CDH6: variants seen among roughly 807,000 people sequenced by gnomAD.
CDH6 encodes cadherin 6, also known as cadherin-6.
CDH6 carries 31 observed loss-of-function variants against 78.0 expected under a neutral mutation model. The ratio of observed to expected loss-of-function variants is 0.40; its 90% confidence interval spans 0.30 to 0.54. The LOEUF (loss-of-function observed/expected upper bound fraction) is 0.54, where lower values mean the gene tolerates loss of function less well. Among genes scored for constraint, CDH6 ranks in the 20% least tolerant of loss-of-function variants. CDH6 has a pLI of 0.56. For synonymous variants in CDH6, 376 were observed against 368.8 expected, an observed-to-expected ratio of 1.02 and a Z score of -0.23; for missense variants, 724 against 975.9, an observed-to-expected ratio of 0.74 and a Z score of 3.44.
intron 1 of CDH6, among the ~76,000 whole-genome samples, chr5:31,231,150 A>AT: frequency 1.3e-5 from 2 of 152,198 alleles, no homozygotes; most frequent in Non-Finnish European, 2.9e-5. Context: ...TTTAGAGGCC[A>AT]AATGTTCAAA....
intron 6 of CDH6, among the ~76,000 whole-genome samples, chr5:31,303,855 A>G (rs1049562500): frequency 1.3e-5 from 2 of 152,162 alleles, no homozygotes; most frequent in African/African-American, 4.8e-5. Flanking sequence ...AAACTATAAT[A>G]TAATTAGGAA....
chr5:31,236,597 T>C (rs1741460212), intron 1 of CDH6, among the ~76,000 whole-genome samples: 1 of 152,140 alleles, frequency 6.6e-6, no homozygotes, highest in Non-Finnish European at 1.5e-5. Flanking sequence ...TCTCCAACTT[T>C]GGCTGGCCTC....
chr5:31,235,080 C>T (rs748150180), intron 1 of CDH6, among the ~76,000 whole-genome samples: 2 of 151,934 alleles, frequency 1.3e-5, no homozygotes, highest in East Asian at 1.9e-4. Flanking sequence ...AGATACTGAG[C>T]GAGTTGCCAA....
Position 31,293,942 on chromosome 5 carries a change from A to G in CDH6, c.229-20A>G. On this transcript the variant is annotated intron_variant, in intron 2 of 11. Coordinates refer to ENST00000265071, the MANE Select transcript of CDH6 (RefSeq NM_004932.4). ...ACATGCTTGACTTTTACTTTCTTTA[A>G]TTTTTTTTTTCTACACTAGTTACAT... is the stretch of plus-strand genomic sequence containing the variant. 1 of 1,422,552 alleles carries G rather than the reference A, an allele frequency of 7.0e-7. No homozygotes were observed. The highest frequency in any genetic ancestry group is 9.6e-7 in the Non-Finnish European group (1 of 1,046,384). 88.1% of individuals were successfully genotyped at this position (1,422,552 alleles called of 1,614,324 possible). A position where few individuals can be genotyped will look rare whatever the true frequency, so the allele number is the denominator to read the frequency against.
chr5:31,199,279 T>TAC (rs1017337157), intron 1 of CDH6, among the ~76,000 whole-genome samples: 21 of 151,278 alleles, frequency 1.4e-4, no homozygotes, highest in Admixed American at 5.9e-4. Context: ...TATATATCTA[T>TAC]ACACACACAT....
In CDH6 at chr5:31,242,804, T is replaced by C. The variant is rs555942849; in HGVS notation, c.-128-24542T>C. ...TGAGAGGCTGAGGTGGGAGGATCAC[T>C]TGAGCTCAGGAGCTTGCCACCAGCC... On this transcript the variant is annotated intron_variant, in intron 1 of 11. Transcript: ENST00000265071. Among the ~76,000 whole-genome samples the C allele has an allele frequency of 7.7e-4, 117 of 151,320 alleles. 1 individual carries two copies. Among genetic ancestry groups the C allele is most frequent in the Non-Finnish European group, 1.5e-4 (10 of 67,880 alleles).
chr5:31,245,361 G>A (rs796742929), intron 1 of CDH6, among the ~76,000 whole-genome samples: 9 of 152,240 alleles, frequency 5.9e-5, no homozygotes, highest in African/African-American at 2.2e-4. Context: ...CACTGAGTTT[G>A]TCCTTATTCT....
chr5:31,214,953 C>T (rs918894702), intron 1 of CDH6, among the ~76,000 whole-genome samples: 7 of 152,120 alleles, frequency 4.6e-5, no homozygotes, highest in African/African-American at 9.7e-5. Context: ...TATAGTCCTG[C>T]TGCTGAGGAG....
intron 11 of CDH6, chr5:31,318,927 A>T (rs1738401438): frequency 4.5e-6 from 1 of 223,474 alleles, no homozygotes. Context: ...CCTGCTAACT[A>T]TAACAGAAGC....
intron 2 of CDH6, among the ~76,000 whole-genome samples, chr5:31,273,206 C>T (rs556928749): frequency 6.6e-6 from 1 of 152,256 alleles, no homozygotes; most frequent in East Asian, 1.9e-4. Flanking sequence ...AAGATGCCAT[C>T]GTTGAAATGT....
At chr5:31,201,522 C>T (rs546506849) in intron 1 of CDH6, among the ~76,000 whole-genome samples, 2 of 152,268 alleles carry the variant, frequency 1.3e-5, no homozygotes, top group African/African-American at 2.4e-5. Flanking sequence ...AGACAGTAAC[C>T]TTCCCACTGC....
intron 2 of CDH6, among the ~76,000 whole-genome samples, chr5:31,291,543 C>A (rs1026885892): frequency 1.3e-5 from 2 of 152,032 alleles, no homozygotes; most frequent in Admixed American, 6.5e-5. Flanking sequence ...TTAATTGACT[C>A]TGCTGTGTTC....
intron 1 of CDH6, among the ~76,000 whole-genome samples, chr5:31,232,836 C>T (rs147090775): frequency 2.1e-4 from 32 of 152,268 alleles, no homozygotes; most frequent in African/African-American, 6.3e-4. Flanking sequence ...GTACCATACA[C>T]CAGGCATTGT....
intron 1 of CDH6, among the ~76,000 whole-genome samples, chr5:31,235,236 C>CTT (rs543675071): frequency 0.19 from 20,567 of 110,656 alleles, 2,310 homozygotes; most frequent in East Asian, 0.37. Flanking sequence ...ATTCCTTTTT[C>CTT]TTTTTTTTTT....
Position 31,325,504 on chromosome 5 carries a change from A to C in CDH6, c.*2196A>C, listed in dbSNP as rs1738606600. 1 of 231,044 alleles carries C rather than the reference A, an allele frequency of 4.3e-6. No homozygotes were observed. Among genetic ancestry groups the C allele is most frequent in the Admixed American group, 5.6e-5 (1 of 17,706 alleles). The allele number at this position is 231,044 out of a possible 1,614,324, so 14.3% of individuals were successfully genotyped here. A position where few individuals can be genotyped will look rare whatever the true frequency, so the allele number is the denominator to read the frequency against. On this transcript the variant is annotated 3_prime_UTR_variant, in exon 12 of 12. Coordinates refer to ENST00000265071, the MANE Select transcript of CDH6 (RefSeq NM_004932.4). ...CACCTTAATCACACGATTTACTGTA[A>C]AATTAAAGAGGTCTCTATCTGTATG...
At chr5:31,262,931 GTAT>G (rs1742247449) in intron 1 of CDH6, among the ~76,000 whole-genome samples, 1 of 152,102 alleles carries the variant, frequency 6.6e-6, no homozygotes, top group Non-Finnish European at 1.5e-5. Context: ...TTGCTTGAAC[GTAT>G]GACCGTTCTG....
chr5:31,255,290 G>A (rs1386481299), intron 1 of CDH6, among the ~76,000 whole-genome samples: 9 of 152,314 alleles, frequency 5.9e-5, no homozygotes, highest in South Asian at 2.1e-4. Flanking sequence ...CGGTGCCGTC[G>A]TTAAATTAGA....
At position 31,301,616 on chromosome 5, in the gene CDH6, A is replaced by G. The variant is rs370504867; in HGVS notation, c.812-495A>G. Among the ~76,000 whole-genome samples the G allele has an allele frequency of 1.8e-3, 274 of 152,340 alleles. 1 individual carries two copies. Among genetic ancestry groups the G allele is most frequent in the African/African-American group, 6.1e-3 (255 of 41,582 alleles). On this transcript the variant is annotated intron_variant, in intron 5 of 11. Coordinates refer to ENST00000265071, the MANE Select transcript of CDH6 (RefSeq NM_004932.4). The stretch of plus-strand genomic sequence containing the variant: ...TAACTCTACAACTAGGTCCAGCTCC[A>G]TGTATGAATAAAAGAATATCTACCT...
chr5:31,285,768 G>C (rs1282695223), intron 2 of CDH6, among the ~76,000 whole-genome samples: 1 of 152,172 alleles, frequency 6.6e-6, no homozygotes, highest in Non-Finnish European at 1.5e-5. Flanking sequence ...ATTTATGATG[G>C]TCAATGAATT....
Sources: gnomAD v4.1 joint callset for allele counts (sites outside exome capture counted in the v4.1 genomes callset) on GRCh38, gnomAD v4.1.1 for gene constraint, MANE v1.5 for transcripts, NCBI Gene and HGNC (gene_info 2026-07-23, HGNC 2026-07-21) for gene names.